MTHFD1: variants seen among roughly 807,000 people sequenced by gnomAD.
MTHFD1 encodes the protein C-1-tetrahydrofolate synthase, cytoplasmic.
In MTHFD1, 44 loss-of-function variants were observed where a neutral mutation model predicts 110.3. That is an observed-to-expected ratio of 0.40 (90% confidence interval 0.31 to 0.51). The LOEUF (loss-of-function observed/expected upper bound fraction) is 0.51. Among genes scored for constraint, MTHFD1 ranks in the 20% least tolerant of loss-of-function variants. The pLI, the probability that MTHFD1 is intolerant of heterozygous loss-of-function variation, is 0.60. For synonymous variants in MTHFD1, 402 were observed against 428.8 expected (o/e 0.94, Z 0.77); for missense variants, 909 against 1,173.1 (o/e 0.77, Z 3.29).
At chr14:64,454,590 A>C (rs2078434027) in intron 25 of MTHFD1, 133 bp from the exon 26 acceptor site, 3 of 752,994 alleles carry the variant, frequency 4.0e-6, no homozygotes, top group Non-Finnish European at 6.8e-6. Context: ...GAGGACAGCA[A>C]GATAGAGATG....
At chr14:64,415,068 C>A (rs966509907) in intron 4 of MTHFD1, among the ~76,000 whole-genome samples, 1 of 152,004 alleles carries the variant, frequency 6.6e-6, no homozygotes, top group Admixed American at 6.5e-5. Flanking sequence ...CTCCTGGGTT[C>A]AAGTAATCCT....
chr14:64,404,811 A>G (rs994676932), intron 2 of MTHFD1, among the ~76,000 whole-genome samples: 2 of 152,164 alleles, frequency 1.3e-5, no homozygotes, highest in African/African-American at 4.8e-5. Flanking sequence ...TCTCTACTCA[A>G]AATACAAAAA....
At chr14:64,444,605 C>G in intron 21 of MTHFD1, 88 bp from the exon 22 acceptor site, 4 of 1,409,262 alleles carry the variant, frequency 2.8e-6, no homozygotes, top group Non-Finnish European at 4.0e-6. Flanking sequence ...AGCATTGCAG[C>G]GTCTTGCCTT....
intron 8 of MTHFD1, 149 bp downstream of exon 8, chr14:64,420,074 G>T: frequency 1.4e-6 from 1 of 717,316 alleles, no homozygotes; most frequent in Non-Finnish European, 2.5e-6. Flanking sequence ...CACAGAGTTA[G>T]TAGATAGAAG....
In MTHFD1 at chr14:64,444,737, A is replaced by G; in HGVS notation, c.2178+3A>G. On this transcript the variant is annotated splice_donor_region_variant and intron_variant, in intron 22 of 27. Coordinates refer to ENST00000652337, the MANE Select transcript of MTHFD1 (RefSeq NM_005956.4). Reference sequence around the variant, plus strand: ...TTCCCAAGGCTTACATACAGGAGGTAACCTGAGTTATTTCTCATCACGTGT... The same window carrying G: ...TTCCCAAGGCTTACATACAGGAGGTGACCTGAGTTATTTCTCATCACGTGT... 6.2e-7 allele frequency: 1 copy of G among 1,614,002 alleles called. No individual in the cohort carries two copies. The highest frequency in any genetic ancestry group is 8.5e-7 in the Non-Finnish European group (1 of 1,179,902).
intron 22 of MTHFD1, among the ~76,000 whole-genome samples, chr14:64,446,124 G>A (rs2078287575): frequency 6.6e-6 from 1 of 152,026 alleles, no homozygotes; most frequent in Non-Finnish European, 1.5e-5. Flanking sequence ...GCCTACAATA[G>A]TAATATACCC....
chr14:64,439,426 C>A (rs1016258041), intron 17 of MTHFD1: 19 of 535,458 alleles, frequency 3.5e-5, no homozygotes, highest in Non-Finnish European at 6.4e-5. Context: ...AATATCCTTG[C>A]ATAGAAATTG....
At chr14:64,392,928 A>G (rs2077818222) in intron 1 of MTHFD1, among the ~76,000 whole-genome samples, 1 of 152,212 alleles carries the variant, frequency 6.6e-6, no homozygotes. Context: ...CTAGTGATCA[A>G]AGATAAAAGT....
At chr14:64,397,527 TC>T (rs1389887670) in intron 1 of MTHFD1, among the ~76,000 whole-genome samples, 6 of 152,104 alleles carry the variant, frequency 3.9e-5, no homozygotes, top group African/African-American at 1.4e-4. Flanking sequence ...ACTCCTGACC[TC>T]GTGATCTGCC....
At position 64,439,288 on chromosome 14, in the gene MTHFD1, C is replaced by G. The variant is rs182598942; in HGVS notation, c.1674+116C>G. The G allele has an allele frequency of 2.9e-3, 2,361 of 817,092 alleles. 10 individuals carry two copies. The highest frequency in any genetic ancestry group is 3.9e-3 in the Non-Finnish European group (1,866 of 477,088). The allele number at this position is 817,092 out of a possible 1,614,324, so 50.6% of individuals were successfully genotyped here. On this transcript the variant is annotated intron_variant, in intron 17 of 27. Transcript: ENST00000652337. ...ACTGCCAGGTGTTGTTCTGCCTTCT[C>G]CCTTTTAAAATGGAAGTGAGTAGGT...
chr14:64,433,407 C>T (rs1394080639), intron 15 of MTHFD1, among the ~76,000 whole-genome samples: 2 of 151,786 alleles, frequency 1.3e-5, no homozygotes, highest in Non-Finnish European at 2.9e-5. Context: ...GCGTGAGCCA[C>T]TGTACCCGGC....
Position 64,426,150 on chromosome 14 carries a change from G to A in MTHFD1, c.1085G>A (p.Arg362His), listed in dbSNP as rs1279998993. 1.5e-5 allele frequency: 25 copies of A among 1,614,154 alleles called. No homozygotes were observed. The highest frequency in any genetic ancestry group is 2.7e-5 in the African/African-American group (2 of 75,036). Residue 362 changes from arginine (R) to histidine (H), a missense_variant, in exon 11 of 28, where the codon CGC (arginine) becomes CAC (histidine). Coordinates refer to ENST00000652337, the MANE Select transcript of MTHFD1 (RefSeq NM_005956.4). ...KAKVLLSALERLKHRPDGKYV... is the reference protein window; with the variant it reads ...KAKVLLSALEHLKHRPDGKYV... The stretch of plus-strand genomic sequence containing the variant: ...AAAGTTCTGCTGTCAGCACTAGAAC[G>A]CCTGAAGCACCGGCCTGATGGGAAA...
intron 15 of MTHFD1, among the ~76,000 whole-genome samples, chr14:64,434,173 A>AGTAATGTG (rs1289034126): frequency 2.0e-5 from 3 of 152,324 alleles, no homozygotes; most frequent in African/African-American, 7.2e-5. Context: ...GAGTAATGTG[A>AGTAATGTG]ATTTGCAGAT....
chr14:64,401,854 T>C (rs1476974602), intron 2 of MTHFD1, among the ~76,000 whole-genome samples: 2 of 152,224 alleles, frequency 1.3e-5, no homozygotes, highest in Admixed American at 6.5e-5. Flanking sequence ...AGGGGCATTA[T>C]TTTATATTTG....
intron 2 of MTHFD1, among the ~76,000 whole-genome samples, chr14:64,405,512 G>C (rs10149005): frequency 0.93 from 142,265 of 152,214 alleles, 66,773 homozygotes; most frequent in Middle Eastern, 0.99. Flanking sequence ...CTTTTTCGCT[G>C]TGGTGCTGGC....
intron 19 of MTHFD1, chr14:64,441,781 C>A: frequency 1.8e-6 from 1 of 552,338 alleles, no homozygotes; most frequent in Non-Finnish European, 3.2e-6. Context: ...CCAGACTGGG[C>A]GACAGAGCGA....
At chr14:64,445,465 T>A (rs764725253) in intron 22 of MTHFD1, among the ~76,000 whole-genome samples, 1 of 152,182 alleles carries the variant, frequency 6.6e-6, no homozygotes, top group Admixed American at 6.5e-5. Context: ...AAAGCCAGTT[T>A]GGGGTGGTTA....
At position 64,421,106 on chromosome 14, in the gene MTHFD1, C is replaced by G. The variant is rs139836892; in HGVS notation, c.727+1181C>G. Among the ~76,000 whole-genome samples, 12 of 152,292 alleles carry G rather than the reference C, an allele frequency of 7.9e-5. No homozygotes were observed. The East Asian group carries it at 2.3e-3, about 29-fold the overall frequency. On this transcript the variant is annotated intron_variant, in intron 8 of 27. Transcript: ENST00000652337. ...CCTCCCCATCTCCTCTCTGTCATGTCTGTTATTCCTTCCAAACCTTGTTTG... is the reference window on the plus strand; with the variant it reads ...CCTCCCCATCTCCTCTCTGTCATGTGTGTTATTCCTTCCAAACCTTGTTTG...
At chr14:64,421,837 G>A (rs2078075558) in intron 8 of MTHFD1, among the ~76,000 whole-genome samples, 1 of 152,068 alleles carries the variant, frequency 6.6e-6, no homozygotes, top group Admixed American at 6.5e-5. Context: ...ATGTTAGCCA[G>A]GATGGTCTCG....
Sources: allele counts gnomAD v4.1 joint callset (sites outside exome capture counted in the v4.1 genomes callset), GRCh38; gene constraint gnomAD v4.1.1; transcripts MANE v1.5; gene names NCBI Gene and HGNC (gene_info 2026-07-23, HGNC 2026-07-21).